The following WIPI2 variants were observed in gnomAD, a reference collection of about 807,000 sequenced individuals.
The protein encoded by WIPI2 is WD repeat domain, phosphoinositide interacting 2, also known as WD repeat domain phosphoinositide-interacting protein 2.
A neutral mutation model predicts 52.3 loss-of-function variants in WIPI2; 28 were observed. The observed-to-expected ratio is 0.54, with a 90% CI of 0.40 to 0.73. The LOEUF is 0.73. Among genes scored for constraint, WIPI2 ranks in the 30% least tolerant of loss-of-function variants. The pLI is 0.00. For missense variants in WIPI2, 506 were observed against 602.9 expected, an observed-to-expected ratio of 0.84 and a Z score of 1.68; for synonymous variants, 268 against 245.0, an observed-to-expected ratio of 1.09 and a Z score of -0.88.
In WIPI2 at chr7:5,231,074, A is replaced by G. The variant is rs1020032318; in HGVS notation, c.*127A>G. 2.1e-5 allele frequency: 14 copies of G among 657,238 alleles called. No individual in the cohort carries two copies. In the Admixed American group the frequency reaches 2.3e-4, roughly 11 times the overall value. 40.7% of individuals were successfully genotyped at this position (657,238 alleles called of 1,614,324 possible). ...TGGCAGAGACTTTATTAAAAAAAAAAAAAGATTGTAGTGGTAGTCTAACTC... is the reference window on the plus strand; with the variant it reads ...TGGCAGAGACTTTATTAAAAAAAAAGAAAGATTGTAGTGGTAGTCTAACTC... On this transcript the variant is annotated 3_prime_UTR_variant, in exon 13 of 13. Coordinates refer to ENST00000288828, the MANE Select transcript of WIPI2 (RefSeq NM_015610.4).
intron 8 of WIPI2, 36 bp downstream of exon 8, chr7:5,222,708 G>T (rs770155429): frequency 3.8e-6 from 6 of 1,567,898 alleles, no homozygotes; most frequent in South Asian, 2.2e-5. Flanking sequence ...GATTCTGGAG[G>T]TTGTATTTGG....
In WIPI2 at chr7:5,228,400, G is replaced by A. The variant is rs532934624; in HGVS notation, c.1121+189G>A. Among the ~76,000 whole-genome samples, 285 of 152,330 alleles carry A rather than the reference G, an allele frequency of 1.9e-3. 2 individuals carry two copies. Among genetic ancestry groups the A allele is most frequent in the African/African-American group, 6.6e-3 (276 of 41,586 alleles). Reference sequence around the variant, plus strand: ...TGAAATCAATGCCGCCGCAAGACAGGGAGCCCCGGGCTGCGGCTGGTGGCG... The same window carrying A: ...TGAAATCAATGCCGCCGCAAGACAGAGAGCCCCGGGCTGCGGCTGGTGGCG... On this transcript the variant is annotated intron_variant, in intron 11 of 12. Transcript: ENST00000288828.
chr7:5,216,717 C>G, intron 5 of WIPI2, 58 bp downstream of exon 5: 1 of 1,529,218 alleles, frequency 6.5e-7, no homozygotes, highest in Middle Eastern at 1.7e-4. Flanking sequence ...TGAAAGATAG[C>G]TATAGGTGAG....
In WIPI2 at chr7:5,207,768, CTT is replaced by C. The variant is rs35296190; in HGVS notation, c.212-6747_212-6746del. Among the ~76,000 whole-genome samples the C allele has an allele frequency of 2.4e-3, 253 of 107,254 alleles. 6 individuals carry two copies. Among genetic ancestry groups the C allele is most frequent in the South Asian group, 2.5e-3 (8 of 3,168 alleles). The allele number at this position is 107,254 out of a possible 152,430, so 70.4% of individuals were successfully genotyped here. On this transcript the variant is annotated intron_variant, in intron 3 of 12. Coordinates refer to ENST00000288828, the MANE Select transcript of WIPI2 (RefSeq NM_015610.4). ...TCTGATTGCTCTATGTCCTCACTAA[CTT>C]TTTTTTTTTTTTTTTTTTTGAGAGA...
chr7:5,207,663 GTT>G (rs947085825), intron 3 of WIPI2, among the ~76,000 whole-genome samples: 4 of 150,866 alleles, frequency 2.7e-5, no homozygotes, highest in Non-Finnish European at 5.9e-5. Context: ...CTAGATATGT[GTT>G]TAGTTTTGTA....
At chr7:5,224,944 G>A (rs1452527676) in intron 8 of WIPI2, among the ~76,000 whole-genome samples, 1 of 152,098 alleles carries the variant, frequency 6.6e-6, no homozygotes, top group African/African-American at 2.4e-5. Context: ...CTGCATTAAG[G>A]CGAGAACATT....
chr7:5,217,068 G>A (rs769472532), intron 5 of WIPI2, 22 bp from the exon 6 acceptor site: 12 of 1,595,542 alleles, frequency 7.5e-6, no homozygotes, highest in Middle Eastern at 3.4e-4. Context: ...TTTGCATCTC[G>A]TCCTCCGTGT....
rs1783751633 is a variant in WIPI2, at chr7:5,232,096, A to T, written c.*1149A>T. On this transcript the variant is annotated 3_prime_UTR_variant, in exon 13 of 13. Coordinates refer to ENST00000288828, the MANE Select transcript of WIPI2 (RefSeq NM_015610.4). ...ACCTCAGACTCTGCATTCCAAACCA[A>T]GGCACCCAGCAGCCAAAGTGTCGAG... 5.0e-6 allele frequency: 2 copies of T among 398,684 alleles called. No individual in the cohort carries two copies. The highest frequency in any genetic ancestry group is 8.8e-5 in the Admixed American group (2 of 22,714). 24.7% of individuals were successfully genotyped at this position (398,684 alleles called of 1,614,324 possible).
chr7:5,190,507 C>T lies in WIPI2; in HGVS notation c.74+14C>T, dbSNP rs751739838. On this transcript the variant is annotated intron_variant, in intron 1 of 12. Transcript: ENST00000288828. ...CCAGGACAACACGTAAGGCCGGGGT[C>T]GGGGGTCGGAGTCGGGGTGAGGCCA... 3.4e-4 allele frequency: 509 copies of T among 1,489,986 alleles called. No individual in the cohort carries two copies. Among genetic ancestry groups the T allele is most frequent in the Non-Finnish European group, 4.5e-4 (498 of 1,116,650 alleles). 92.3% of individuals were successfully genotyped at this position (1,489,986 alleles called of 1,614,324 possible). A position where few individuals can be genotyped will look rare whatever the true frequency, so the allele number is the denominator to read the frequency against.
chr7:5,194,203 G>A (rs1342563989), intron 2 of WIPI2, among the ~76,000 whole-genome samples: 1 of 152,150 alleles, frequency 6.6e-6, no homozygotes, highest in Non-Finnish European at 1.5e-5. Context: ...TGGAGGTGGA[G>A]GATGTGAGGG....
At chr7:5,216,496 T>A in intron 4 of WIPI2, 67 bp from the exon 5 acceptor site, 1 of 1,261,730 alleles carries the variant, frequency 7.9e-7, no homozygotes, top group Admixed American at 1.8e-5. Flanking sequence ...GTCAGTCAAC[T>A]GGAGATTGGG....
chr7:5,218,365 C>G (rs1583577481), intron 7 of WIPI2: 1 of 203,034 alleles, frequency 4.9e-6, no homozygotes, highest in Non-Finnish European at 1.0e-5. Flanking sequence ...TGTGAAAAAG[C>G]AAAGACAGAA....
At chr7:5,198,234 G>A (rs1781846205) in intron 2 of WIPI2, among the ~76,000 whole-genome samples, 1 of 152,156 alleles carries the variant, frequency 6.6e-6, no homozygotes, top group Non-Finnish European at 1.5e-5. Context: ...GGGTAGTAAA[G>A]GCCTGCAGAA....
rs1206276180 is a variant in WIPI2 at position 5,232,566 on chromosome 7, G to T, written c.*1619G>T. ...GATCCCGGTCACGCAGGCTGAGACA[G>T]TGGGGACCGCCGAGGCCAGAGTGGG... On this transcript the variant is annotated 3_prime_UTR_variant, in exon 13 of 13. Transcript: ENST00000288828. 4 of 368,374 alleles carry T rather than the reference G, an allele frequency of 1.1e-5. No individual in the cohort carries two copies. The highest frequency in any genetic ancestry group is 8.3e-5 in the African/African-American group (4 of 48,094). The allele number at this position is 368,374 out of a possible 1,614,324, so 22.8% of individuals were successfully genotyped here. A position where few individuals can be genotyped will look rare whatever the true frequency, so the allele number is the denominator to read the frequency against.
chr7:5,203,272 G>C (rs1326840063), intron 3 of WIPI2, among the ~76,000 whole-genome samples: 1 of 152,180 alleles, frequency 6.6e-6, no homozygotes, highest in African/African-American at 2.4e-5. Flanking sequence ...TCCTACAGAG[G>C]AGAAACCACG....
chr7:5,193,308 G>C (rs1269200868), intron 2 of WIPI2, 137 bp downstream of exon 2: 4 of 1,496,630 alleles, frequency 2.7e-6, no homozygotes, highest in Non-Finnish European at 3.6e-6. Flanking sequence ...AAATATCAAG[G>C]ACTACATTTT....
Position 5,217,048 on chromosome 7 carries a change from C to A in WIPI2, c.479-42C>A, listed in dbSNP as rs778368210. On this transcript the variant is annotated intron_variant, in intron 5 of 12. Coordinates refer to ENST00000288828, the MANE Select transcript of WIPI2 (RefSeq NM_015610.4). ...TGTCTGACATCCAAGAAGGAACTCT[C>A]AGGTGGAAGTTTGCATCTCGTCCTC... 1.5e-5 allele frequency: 24 copies of A among 1,573,036 alleles called. No individual in the cohort carries two copies. In the East Asian group the frequency reaches 5.4e-4, roughly 36 times the overall value.
At chr7:5,215,450 A>T (rs1170216674) in intron 4 of WIPI2, among the ~76,000 whole-genome samples, 1 of 152,268 alleles carries the variant, frequency 6.6e-6, no homozygotes, top group Non-Finnish European at 1.5e-5. Flanking sequence ...GGTGGGTGGC[A>T]TGTGTGCGTG....
intron 1 of WIPI2, among the ~76,000 whole-genome samples, chr7:5,192,110 G>A (rs1781512737): frequency 1.3e-5 from 2 of 152,054 alleles, no homozygotes; most frequent in Admixed American, 6.6e-5. Context: ...AGAAATAATA[G>A]CATAACAACG....
Sources: gnomAD v4.1 joint callset for allele counts (sites outside exome capture counted in the v4.1 genomes callset) on GRCh38, gnomAD v4.1.1 for gene constraint, MANE v1.5 for transcripts, NCBI Gene and HGNC (gene_info 2026-07-23, HGNC 2026-07-21) for gene names.